Variants in IFT74 observed in about 807,000 individuals in gnomAD.
IFT74 encodes the protein intraflagellar transport protein 74 homolog.
In IFT74, 92 loss-of-function variants were observed where a neutral mutation model predicts 96.7. The ratio of observed to expected loss-of-function variants is 0.95; its 90% confidence interval spans 0.80 to 1.13. The LOEUF is 1.13. Ranked by LOEUF, IFT74 falls within the 50% of genes most tolerant of loss-of-function variation. The pLI is 0.00. For missense variants in IFT74, 811 were observed against 698.2 expected (o/e 1.16, Z -1.82); for synonymous variants, 223 against 213.2 (o/e 1.05, Z -0.40).
intron 12 of IFT74, among the ~76,000 whole-genome samples, chr9:27,028,112 T>C (rs1464507166): frequency 6.6e-6 from 1 of 152,196 alleles, no homozygotes; most frequent in South Asian, 2.1e-4. Context: ...GCTATAGATA[T>C]ATGGTCATAT....
At chr9:26,969,657 CTCTG>C (rs1474998907) in intron 2 of IFT74, among the ~76,000 whole-genome samples, 1 of 151,606 alleles carries the variant, frequency 6.6e-6, no homozygotes, top group African/African-American at 2.4e-5. Flanking sequence ...CTTTCTTTTT[CTCTG>C]TCTTTTTATC....
intron 12 of IFT74, among the ~76,000 whole-genome samples, chr9:27,028,482 G>A (rs1160680441): frequency 6.6e-5 from 10 of 152,160 alleles, no homozygotes; most frequent in Non-Finnish European, 8.8e-5. Flanking sequence ...TCTATGCTTG[G>A]CGCAGTGGCT....
At chr9:26,951,520 T>C (rs996299776), upstream of IFT74, among the ~76,000 whole-genome samples, 2 of 152,018 alleles carry the variant, frequency 1.3e-5, no homozygotes, top group African/African-American at 4.8e-5. Context: ...GTACAGATCT[T>C]AGAAAATTGA....
chr9:26,947,509 CCAGCTGGCGTGGACATCCGGCGCG>C (rs1825781700), intron 1 of IFT74: 1 of 155,936 alleles, frequency 6.4e-6, no homozygotes, highest in African/African-American at 2.4e-5. Flanking sequence ...TAATGCCGCG[CCAGCTGGCGTGGACATCCGGCGCG>C]CCGAATCCGG....
chr9:26,965,895 C>G (rs1826587994), intron 2 of IFT74, among the ~76,000 whole-genome samples: 1 of 152,022 alleles, frequency 6.6e-6, no homozygotes, highest in Non-Finnish European at 1.5e-5. Context: ...TTGACTTTCT[C>G]TTTCTGAATT....
At chr9:26,959,409 G>A (rs1826259518) in intron 1 of IFT74, among the ~76,000 whole-genome samples, 1 of 152,094 alleles carries the variant, frequency 6.6e-6, no homozygotes, top group South Asian at 2.1e-4. Flanking sequence ...GCGCCCGGCT[G>A]GATATAAGCT....
At chr9:27,031,229 A>T (rs1830105768) in intron 13 of IFT74, among the ~76,000 whole-genome samples, 1 of 152,210 alleles carries the variant, frequency 6.6e-6, no homozygotes, top group African/African-American at 2.4e-5. Context: ...CTGTAGTCCC[A>T]GCACTTTGGG....
At chr9:27,030,961 T>C (rs1409226210) in intron 13 of IFT74, among the ~76,000 whole-genome samples, 1 of 152,198 alleles carries the variant, frequency 6.6e-6, no homozygotes, top group Non-Finnish European at 1.5e-5. Context: ...TCCTCAAGGC[T>C]TACTTCTAAC....
intron 3 of IFT74, 88 bp downstream of exon 3, chr9:26,978,351 G>C: frequency 7.2e-7 from 1 of 1,387,106 alleles, no homozygotes; most frequent in South Asian, 1.3e-5. Context: ...TAAAAGTTGA[G>C]TATATTTTGA....
At chr9:26,951,984 G>A (rs562265848), upstream of IFT74, among the ~76,000 whole-genome samples, 101 of 152,306 alleles carry the variant, frequency 6.6e-4, no homozygotes, top group African/African-American at 2.1e-3. Context: ...TGTGGAACAT[G>A]ACAGAAAATG....
At chr9:27,052,060 C>T (rs868393969) in intron 16 of IFT74, among the ~76,000 whole-genome samples, 22 of 152,162 alleles carry the variant, frequency 1.4e-4, no homozygotes, top group African/African-American at 3.9e-4. Context: ...GTAAATTCAA[C>T]AAGTTTTTCC....
At chr9:26,980,640 C>T (rs1352456691) in intron 4 of IFT74, 21 bp downstream of exon 4, 1 of 1,497,822 alleles carries the variant, frequency 6.7e-7, no homozygotes, top group Non-Finnish European at 9.3e-7. Flanking sequence ...CATATCTTTT[C>T]ATCCGTATGT....
intron 14 of IFT74, 96 bp from the exon 15 acceptor site, chr9:27,047,178 G>A (rs560487107): frequency 8.4e-6 from 6 of 710,264 alleles, no homozygotes; most frequent in African/African-American, 7.4e-5. Context: ...CTCAAAAAAA[G>A]AAAATTCTAA....
At chr9:27,025,646 G>GGAAAACCTAT (rs1563984098) in intron 12 of IFT74, among the ~76,000 whole-genome samples, 5 of 152,126 alleles carry the variant, frequency 3.3e-5, no homozygotes. Flanking sequence ...AGATTTCTTA[G>GGAAAACCTAT]CAGAAACCCT....
intron 12 of IFT74, among the ~76,000 whole-genome samples, chr9:27,020,765 C>T (rs578066894): frequency 6.6e-6 from 1 of 152,192 alleles, no homozygotes; most frequent in African/African-American, 2.4e-5. Flanking sequence ...TGACCTACCG[C>T]GCCTGGCCTA....
chr9:27,057,671 CA>C (rs1820227671), intron 18 of IFT74, among the ~76,000 whole-genome samples: 1 of 151,972 alleles, frequency 6.6e-6, no homozygotes, highest in Non-Finnish European at 1.5e-5. Flanking sequence ...TCCTGGCTAA[CA>C]ACGGTGAAAC....
Position 26,978,362 on chromosome 9 carries a change from A to G in IFT74, c.256+99A>G, listed in dbSNP as rs2131525874. ...AAAGTAAAAGTTGAGTATATTTTGA[A>G]CAATAAGTATTACAGTACCATTTTT... On this transcript the variant is annotated intron_variant, in intron 3 of 19. Coordinates refer to ENST00000380062, the MANE Select transcript of IFT74 (RefSeq NM_025103.4). The G allele has an allele frequency of 3.2e-6, 4 of 1,251,404 alleles. No individual in the cohort carries two copies. In the East Asian group the frequency reaches 7.8e-5, roughly 24 times the overall value. The allele number at this position is 1,251,404 out of a possible 1,614,324, so 77.5% of individuals were successfully genotyped here.
chr9:27,008,176 C>T (rs1262282579), intron 8 of IFT74, among the ~76,000 whole-genome samples: 3 of 152,072 alleles, frequency 2.0e-5, no homozygotes, highest in Non-Finnish European at 4.4e-5. Context: ...AGAACTTAAG[C>T]AAAGCATATT....
chr9:27,038,434 T>G (rs1422926220), intron 13 of IFT74, among the ~76,000 whole-genome samples: 2 of 152,158 alleles, frequency 1.3e-5, no homozygotes, highest in Non-Finnish European at 2.9e-5. Flanking sequence ...GGCTAATTTT[T>G]GTATTTTTAG....
Sources: allele counts gnomAD v4.1 joint callset (sites outside exome capture counted in the v4.1 genomes callset), GRCh38; gene constraint gnomAD v4.1.1; transcripts MANE v1.5; gene names NCBI Gene and HGNC (gene_info 2026-07-23, HGNC 2026-07-21).